The following SEL1L3 variants were observed in gnomAD, a reference collection of about 807,000 sequenced individuals.
SEL1L3 encodes the protein SEL1L family member 3, also known as protein sel-1 homolog 3.
Under a neutral mutation model 142.8 loss-of-function variants are expected in SEL1L3, and 76 were observed. The ratio of observed to expected loss-of-function variants is 0.53; its 90% CI spans 0.44 to 0.64. The LOEUF (loss-of-function observed/expected upper bound fraction) is 0.64. SEL1L3 is among the 30% of genes least tolerant of loss of function. The pLI is 0.00. For missense variants in SEL1L3, 1,262 were observed against 1,381.7 expected (o/e 0.91, Z 1.37); for synonymous variants, 504 against 519.6 (o/e 0.97, Z 0.41).
rs557593046 is a variant in SEL1L3 at position 25,846,688 on chromosome 4, C to T, written c.733+606G>A. ...TTTTGGGAGGCTAAGGCAGGCAGAT[C>T]GCCTGAGGTCAGGAGTTTGAGACCA... On this transcript the variant is annotated intron_variant, in intron 2 of 23. Transcript: ENST00000399878. Among the ~76,000 whole-genome samples, 28 of 152,132 alleles carry T rather than the reference C, an allele frequency of 1.8e-4. No homozygotes were observed. The South Asian group carries it at 3.7e-3, about 20-fold the overall frequency.
intron 5 of SEL1L3, 112 bp from the exon 6 acceptor site, chr4:25,830,268 C>A: frequency 1.6e-6 from 1 of 614,584 alleles, no homozygotes; most frequent in Non-Finnish European, 2.8e-6. Context: ...TTTACCTGAT[C>A]AGTTTCTGCA....
chr4:25,737,056 C>T, the SEL1L3 span, among the ~76,000 whole-genome samples: 1 of 151,872 alleles, frequency 6.6e-6, no homozygotes, highest in African/African-American at 2.4e-5. Context: ...ACAGTCTCGG[C>T]TCACTGCAAC....
chr4:25,837,146 G>A (rs561784437), intron 2 of SEL1L3, among the ~76,000 whole-genome samples: 8 of 151,602 alleles, frequency 5.3e-5, no homozygotes, highest in Admixed American at 4.6e-4. Context: ...GTGGTGAGAG[G>A]GGTGAGAAAT....
rs772329730 is a variant in SEL1L3 at position 25,759,073 on chromosome 4, A to C, written c.2956-5T>G. On this transcript the variant is annotated splice_polypyrimidine_tract_variant and splice_region_variant and intron_variant, in intron 20 of 23. Coordinates refer to ENST00000399878, the MANE Select transcript of SEL1L3 (RefSeq NM_015187.5). ...CAGGGCCAGGTTAAAAAATCCCTAAAAACAAGCCACAAACCAAACTCATCA... is the reference window on the plus strand; with the variant it reads ...CAGGGCCAGGTTAAAAAATCCCTAACAACAAGCCACAAACCAAACTCATCA... 6.2e-7 allele frequency: 1 copy of C among 1,612,988 alleles called. No homozygotes were observed. Among genetic ancestry groups the C allele is most frequent in the South Asian group, 1.1e-5 (1 of 90,868 alleles).
chr4:25,839,267 A>G (rs1716022352), intron 2 of SEL1L3, among the ~76,000 whole-genome samples: 1 of 152,238 alleles, frequency 6.6e-6, no homozygotes, highest in Non-Finnish European at 1.5e-5. Flanking sequence ...GATACTAGGC[A>G]GTGAAGCAGG....
rs528606031 is a variant in SEL1L3, at chr4:25,799,906, A to G, written c.1956+2377T>C. Among the ~76,000 whole-genome samples the G allele has an allele frequency of 8.7e-4, 133 of 152,304 alleles. 1 individual carries two copies. The highest frequency in any genetic ancestry group is 2.8e-3 in the African/African-American group (117 of 41,562). On this transcript the variant is annotated intron_variant, in intron 11 of 23. Coordinates refer to ENST00000399878, the MANE Select transcript of SEL1L3 (RefSeq NM_015187.5). Reference sequence around the variant, plus strand: ...AGATCTCTGTCCAGAAAATGTAGAGAGAGAACAGAATATTGGCAACCAAAC... The same window carrying G: ...AGATCTCTGTCCAGAAAATGTAGAGGGAGAACAGAATATTGGCAACCAAAC...
chr4:25,845,026 T>C (rs1014592928), intron 2 of SEL1L3, among the ~76,000 whole-genome samples: 3 of 128,778 alleles, frequency 2.3e-5, no homozygotes, highest in Non-Finnish European at 5.2e-5. Flanking sequence ...AGGTTAAAAT[T>C]GTATAGATCT....
chr4:25,769,679 C>A (rs2109143266), intron 17 of SEL1L3, among the ~76,000 whole-genome samples: 1 of 152,302 alleles, frequency 6.6e-6, no homozygotes, highest in South Asian at 2.1e-4. Context: ...TCTTTAGAGA[C>A]ACTCTGGCCT....
Position 25,779,254 on chromosome 4 carries a change from G to A in SEL1L3, c.2458-51C>T, listed in dbSNP as rs1248002483. The A allele has an allele frequency of 6.2e-6, 10 of 1,603,446 alleles. No homozygotes were observed. The Middle Eastern group carries it at 5.0e-4, about 80-fold the overall frequency. Reference sequence around the variant, plus strand: ...GAGTCATCCTAGCTGGGCTGGTTTCGCCAGAGACAAGGTGATGAGATGCTT... The same window carrying A: ...GAGTCATCCTAGCTGGGCTGGTTTCACCAGAGACAAGGTGATGAGATGCTT... On this transcript the variant is annotated intron_variant, in intron 15 of 23. Coordinates refer to ENST00000399878, the MANE Select transcript of SEL1L3 (RefSeq NM_015187.5).
Position 25,757,723 on chromosome 4 carries a change from G to A in SEL1L3, c.3151C>T (p.Arg1051Trp), listed in dbSNP as rs769906678. 3.4e-5 allele frequency: 54 copies of A among 1,597,880 alleles called. No homozygotes were observed. The highest frequency in any genetic ancestry group is 4.2e-5 in the Non-Finnish European group (49 of 1,172,478). The change falls in exon 22 of 24, where the codon CGG (arginine) becomes TGG (tryptophan). Residue 1051 changes from arginine (R) to tryptophan (W), a missense_variant. Physicochemically the swap from Arg to Trp is moderately radical, Grantham distance 101 (BLOSUM62 -3). Around this residue, in one of 3 missense-constraint regions of SEL1L3, gnomAD observed 138 missense variants for 129.7 expected, o/e 1.06. Transcript: ENST00000399878. ...CSLAWLYLHL[R>W]LLWGAILHSA... The stretch of plus-strand genomic sequence containing the variant: ...TGCAGGATAGCACCCCAGAGAAGCC[G>A]CAAGTGCAGGTAAAGCCAGGCCAAG...
intron 1 of SEL1L3, among the ~76,000 whole-genome samples, chr4:25,862,321 G>C: frequency 6.7e-6 from 1 of 150,328 alleles, no homozygotes; most frequent in Admixed American, 6.6e-5. Context: ...GTTGGGGGGT[G>C]CTGGAGACTG....
chr4:25,848,207 A>G (rs1409033289), intron 1 of SEL1L3, among the ~76,000 whole-genome samples: 2 of 152,282 alleles, frequency 1.3e-5, no homozygotes, highest in African/African-American at 2.4e-5. Flanking sequence ...AACCTGCCTT[A>G]GAATAAAACA....
chr4:25,803,486 A>T (rs1713331775), intron 10 of SEL1L3, among the ~76,000 whole-genome samples: 1 of 152,258 alleles, frequency 6.6e-6, no homozygotes. Flanking sequence ...GCAATCAGGG[A>T]ACATTTAGCA....
Position 25,833,572 on chromosome 4 carries a change from A to C in SEL1L3, c.861-3T>G. 6.2e-7 allele frequency: 1 copy of C among 1,605,756 alleles called. No individual in the cohort carries two copies. The highest frequency in any genetic ancestry group is 8.5e-7 in the Non-Finnish European group (1 of 1,176,756). ...AAAGCCACAATGAAACAGTAAACCT[A>C]TAAGAGTGAGGGGGAAAAAAATTCT... On this transcript the variant is annotated splice_region_variant and splice_polypyrimidine_tract_variant and intron_variant, in intron 3 of 23. Transcript: ENST00000399878.
At chr4:25,760,102 T>G (rs1718274624) in intron 20 of SEL1L3, 1 of 152,158 alleles carries the variant, frequency 6.6e-6, no homozygotes, top group South Asian at 2.1e-4. Context: ...TTAGGTGTAG[T>G]GTCTGTTGTT....
At chr4:25,818,423 T>C in intron 8 of SEL1L3, 145 bp from the exon 9 acceptor site, 1 of 741,896 alleles carries the variant, frequency 1.3e-6, no homozygotes. Flanking sequence ...TGAAATTGGC[T>C]ATGATGCTTT....
At chr4:25,751,617 A>G (rs1220681441) in intron 23 of SEL1L3, among the ~76,000 whole-genome samples, 1 of 151,444 alleles carries the variant, frequency 6.6e-6, no homozygotes, top group East Asian at 1.9e-4. Flanking sequence ...AGTTCCCTTG[A>G]AGGAAAGAAT....
At chr4:25,721,211 G>A in the SEL1L3 span, among the ~76,000 whole-genome samples, 639 of 127,914 alleles carry the variant, frequency 5.0e-3, 3 homozygotes, top group African/African-American at 0.023. Context: ...TATAAGCTTG[G>A]AACTTTTTTT....
chr4:25,758,715 G>T (rs1718166650), intron 21 of SEL1L3, among the ~76,000 whole-genome samples: 1 of 150,654 alleles, frequency 6.6e-6, no homozygotes, highest in African/African-American at 2.4e-5. Context: ...GGTTCTGCCA[G>T]GTTGGCCAGG....
Sources: allele counts gnomAD v4.1 joint callset (sites outside exome capture counted in the v4.1 genomes callset), GRCh38; gene constraint gnomAD v4.1.1; regional missense constraint gnomAD v4.1.1; transcripts MANE v1.5; gene names NCBI Gene and HGNC (gene_info 2026-07-23, HGNC 2026-07-21).